Variants in ZNF277 observed in about 807,000 individuals in gnomAD.
The protein encoded by ZNF277 is nuclear receptor-interacting factor 4.
In ZNF277, 55 loss-of-function variants were observed where a neutral mutation model predicts 60.7. The ratio of observed to expected loss-of-function variants is 0.91; its 90% CI spans 0.73 to 1.13. The LOEUF (loss-of-function observed/expected upper bound fraction) is 1.13, where lower values mean the gene tolerates loss of function less well. Among genes scored for constraint, ZNF277 ranks in the 50% most tolerant of loss-of-function variants. The probability of loss-of-function intolerance (pLI) is 0.00; values close to 1 mark genes in which losing one functional copy is unlikely to be tolerated. For missense variants in ZNF277, 510 were observed against 523.0 expected (o/e 0.98, Z 0.24); for synonymous variants, 178 against 179.3 (o/e 0.99, Z 0.06).
rs1424260843 is a variant in ZNF277, at chr7:112,343,271, A to G, written c.*542A>G. On this transcript the variant is annotated 3_prime_UTR_variant, in exon 12 of 12. Transcript: ENST00000361822. ...GCAAATTGGCCATTATATTAGAACA[A>G]TCAAGAGCTGACTGTGTTATTACCA... 6.6e-6 allele frequency among the ~76,000 whole-genome samples: 1 copy of G among 152,224 alleles called. No individual in the cohort carries two copies. Among genetic ancestry groups the G allele is most frequent in the Non-Finnish European group, 1.5e-5 (1 of 68,048 alleles).
intron 5 of ZNF277, among the ~76,000 whole-genome samples, chr7:112,322,797 A>AT (rs1051444632): frequency 2.6e-5 from 4 of 151,882 alleles, no homozygotes; most frequent in Non-Finnish European, 5.9e-5. Flanking sequence ...ATGTCTTGTA[A>AT]TTTTTTTGTC....
At chr7:112,280,617 T>C (rs982515891) in intron 1 of ZNF277, among the ~76,000 whole-genome samples, 1 of 151,724 alleles carries the variant, frequency 6.6e-6, no homozygotes, top group Non-Finnish European at 1.5e-5. Flanking sequence ...ATTATATATT[T>C]CTGTATCTAT....
intron 1 of ZNF277, among the ~76,000 whole-genome samples, chr7:112,222,385 T>A (rs1163432883): frequency 6.6e-6 from 1 of 152,244 alleles, no homozygotes; most frequent in Non-Finnish European, 1.5e-5. Context: ...GCTGTTCACA[T>A]TTTCCCTTTC....
chr7:112,328,181 A>G (rs529528573), intron 6 of ZNF277: 1 of 159,378 alleles, frequency 6.3e-6, no homozygotes, highest in Admixed American at 6.5e-5. Flanking sequence ...AGAAACCACT[A>G]TTCTTAATTT....
chr7:112,298,769 C>T (rs1417186289), intron 4 of ZNF277, among the ~76,000 whole-genome samples: 1 of 152,130 alleles, frequency 6.6e-6, no homozygotes, highest in African/African-American at 2.4e-5. Context: ...CTATTAAATG[C>T]CGTTCTATTT....
At chr7:112,298,231 G>A (rs1792397384) in intron 4 of ZNF277, among the ~76,000 whole-genome samples, 1 of 152,190 alleles carries the variant, frequency 6.6e-6, no homozygotes. Context: ...CAGGGCTTAT[G>A]AAGATTAAGT....
At chr7:112,218,095 A>G (rs1821933973) in intron 1 of ZNF277, among the ~76,000 whole-genome samples, 1 of 152,224 alleles carries the variant, frequency 6.6e-6, no homozygotes, top group South Asian at 2.1e-4. Context: ...TCTCCTGTAC[A>G]GCTGGCTCTG....
chr7:112,317,431 G>T (rs1021749032), intron 4 of ZNF277, among the ~76,000 whole-genome samples: 1 of 152,080 alleles, frequency 6.6e-6, no homozygotes, highest in Non-Finnish European at 1.5e-5. Flanking sequence ...TTGTACTGTG[G>T]CCAGAAATGG....
At chr7:112,279,804 A>G (rs1008377008) in intron 1 of ZNF277, among the ~76,000 whole-genome samples, 2 of 152,188 alleles carry the variant, frequency 1.3e-5, no homozygotes, top group Admixed American at 1.3e-4. Context: ...AAGAGAAAAT[A>G]TATTTACTAC....
At chr7:112,324,796 A>G (rs1793060828) in intron 5 of ZNF277, among the ~76,000 whole-genome samples, 1 of 152,216 alleles carries the variant, frequency 6.6e-6, no homozygotes, top group South Asian at 2.1e-4. Flanking sequence ...TCACACAATT[A>G]TGGAGGCCGA....
At position 112,293,792 on chromosome 7, in the gene ZNF277, G is replaced by A. The variant is rs560918680; in HGVS notation, c.294-2077G>A. Reference sequence around the variant, plus strand: ...AAAATGGAACTAATTATATAGGGCTGACCACTAGTCTCCGTTTTGTCTAGA... The same window carrying A: ...AAAATGGAACTAATTATATAGGGCTAACCACTAGTCTCCGTTTTGTCTAGA... On this transcript the variant is annotated intron_variant, in intron 2 of 11. Transcript: ENST00000361822. Among the ~76,000 whole-genome samples the A allele has an allele frequency of 5.1e-4, 78 of 152,194 alleles. No homozygotes were observed. In the Middle Eastern group the frequency reaches 0.014, roughly 27 times the overall value.
intron 4 of ZNF277, among the ~76,000 whole-genome samples, chr7:112,304,307 A>G (rs1394699225): frequency 6.6e-6 from 1 of 152,152 alleles, no homozygotes; most frequent in Non-Finnish European, 1.5e-5. Flanking sequence ...GTATATTGCT[A>G]ACATAAATTC....
intron 4 of ZNF277, among the ~76,000 whole-genome samples, chr7:112,312,591 C>G (rs1173999254): frequency 6.6e-6 from 1 of 151,954 alleles, no homozygotes; most frequent in Non-Finnish European, 1.5e-5. Flanking sequence ...ATATAATATA[C>G]AAATGTACGC....
At chr7:112,330,244 T>G in intron 7 of ZNF277, 28 bp downstream of exon 7, 1 of 1,608,736 alleles carries the variant, frequency 6.2e-7, no homozygotes, top group Non-Finnish European at 8.5e-7. Context: ...TAACTTAAAA[T>G]TTGATTGCAG....
chr7:112,329,644 C>T (rs766716552), intron 6 of ZNF277, among the ~76,000 whole-genome samples: 3 of 152,132 alleles, frequency 2.0e-5, no homozygotes, highest in Non-Finnish European at 2.9e-5. Flanking sequence ...AGTCCCACAG[C>T]TAGCTGGCAC....
intron 1 of ZNF277, among the ~76,000 whole-genome samples, chr7:112,222,063 G>A (rs960178695): frequency 2.0e-5 from 3 of 152,316 alleles, no homozygotes; most frequent in African/African-American, 7.2e-5. Context: ...TTTGGTGAAT[G>A]ATTCTTTCAG....
chr7:112,262,403 C>T (rs370381445), intron 1 of ZNF277, among the ~76,000 whole-genome samples: 18 of 152,062 alleles, frequency 1.2e-4, no homozygotes, highest in East Asian at 9.6e-4. Flanking sequence ...GGGATATTGT[C>T]ATTACAAAGA....
intron 9 of ZNF277, among the ~76,000 whole-genome samples, chr7:112,338,355 TA>T (rs1422766334): frequency 6.6e-6 from 1 of 152,152 alleles, no homozygotes; most frequent in Non-Finnish European, 1.5e-5. Context: ...CTAGCAGTTC[TA>T]AACCTTTTTC....
chr7:112,220,521 C>A (rs957185810), intron 1 of ZNF277, among the ~76,000 whole-genome samples: 3 of 152,162 alleles, frequency 2.0e-5, no homozygotes, highest in African/African-American at 7.2e-5. Flanking sequence ...CCTTGTCTAA[C>A]TGTTCTGGCC....
Sources: gnomAD v4.1 joint callset for allele counts (sites outside exome capture counted in the v4.1 genomes callset) on GRCh38, gnomAD v4.1.1 for gene constraint, MANE v1.5 for transcripts, NCBI Gene and HGNC (gene_info 2026-07-23, HGNC 2026-07-21) for gene names.